Variants in CTNNA3 observed in about 807,000 individuals in gnomAD.
CTNNA3 encodes catenin alpha 3.
A neutral mutation model predicts 95.7 loss-of-function variants in CTNNA3; 76 were observed. That is an observed-to-expected ratio of 0.79 (90% CI 0.66 to 0.96). CTNNA3 has a LOEUF of 0.96. CTNNA3 is among the 40% of genes least tolerant of loss of function. The pLI is 0.00. For missense variants in CTNNA3, 1,191 were observed against 1,089.8 expected (o/e 1.09, Z -1.31); for synonymous variants, 431 against 374.4 (o/e 1.15, Z -1.74).
intron 12 of CTNNA3, among the ~76,000 whole-genome samples, chr10:66,352,725 A>C (rs4237308): frequency 0.91 from 138,042 of 152,082 alleles, 62,894 homozygotes; most frequent in East Asian, 1. Context: ...AAATGAAAAG[A>C]GAGAAGCAAA....
At chr10:66,521,934 G>A (rs1437608077) in intron 10 of CTNNA3, among the ~76,000 whole-genome samples, 1 of 152,130 alleles carries the variant, frequency 6.6e-6, no homozygotes, top group Non-Finnish European at 1.5e-5. Context: ...GTCTGCAGCT[G>A]ATCTGGGCAA....
chr10:66,529,619 T>C (rs570533663), intron 10 of CTNNA3, among the ~76,000 whole-genome samples: 1 of 152,216 alleles, frequency 6.6e-6, no homozygotes, highest in South Asian at 2.1e-4. Flanking sequence ...ACTATATGTG[T>C]AAAAATGGAA....
At chr10:67,253,216 G>A (rs922284672) in intron 5 of CTNNA3, among the ~76,000 whole-genome samples, 8 of 152,186 alleles carry the variant, frequency 5.3e-5, no homozygotes, top group African/African-American at 1.9e-4. Context: ...AGTGACTAAC[G>A]GGCAAGTAGT....
At chr10:67,385,671 T>G (rs564762922) in intron 5 of CTNNA3, among the ~76,000 whole-genome samples, 1 of 152,184 alleles carries the variant, frequency 6.6e-6, no homozygotes, top group East Asian at 1.9e-4. Flanking sequence ...TCTTCCCCAC[T>G]TCATTCTCCT....
chr10:67,663,109 C>T (rs997629782), intron 1 of CTNNA3, among the ~76,000 whole-genome samples: 3 of 152,080 alleles, frequency 2.0e-5, no homozygotes, highest in Admixed American at 6.5e-5. Flanking sequence ...TAAACCCTAC[C>T]TAACTTCTTA....
At chr10:66,691,509 G>A (rs1847536534) in intron 9 of CTNNA3, among the ~76,000 whole-genome samples, 1 of 152,172 alleles carries the variant, frequency 6.6e-6, no homozygotes, top group African/African-American at 2.4e-5. Context: ...GCCTGCCTCT[G>A]TAGGCTCCAC....
chr10:66,691,611 T>C (rs904676217), intron 9 of CTNNA3, among the ~76,000 whole-genome samples: 7 of 152,118 alleles, frequency 4.6e-5, no homozygotes, highest in Non-Finnish European at 1.0e-4. Flanking sequence ...AGAGCAGTGG[T>C]TATCCCAGCA....
intron 11 of CTNNA3, among the ~76,000 whole-genome samples, chr10:66,489,985 G>A (rs1174287960): frequency 6.6e-6 from 1 of 152,184 alleles, no homozygotes; most frequent in African/African-American, 2.4e-5. Context: ...TGTTGGCGAA[G>A]GCATATTATT....
intron 5 of CTNNA3, among the ~76,000 whole-genome samples, chr10:67,461,660 A>G (rs891641468): frequency 1.2e-4 from 19 of 152,218 alleles, no homozygotes; most frequent in African/African-American, 4.1e-4. Context: ...AAATCATAAG[A>G]CATGAAGAAA....
chr10:67,373,296 A>G (rs1446552923), intron 5 of CTNNA3, among the ~76,000 whole-genome samples: 1 of 152,196 alleles, frequency 6.6e-6, no homozygotes, highest in Admixed American at 6.5e-5. Flanking sequence ...AAGCAAATGG[A>G]AAACAAAAAA....
intron 5 of CTNNA3, among the ~76,000 whole-genome samples, chr10:67,438,146 T>C (rs571542652): frequency 6.6e-6 from 1 of 152,174 alleles, no homozygotes; most frequent in Non-Finnish European, 1.5e-5. Context: ...CCAAGTTGTT[T>C]TTCCCACTTA....
intron 11 of CTNNA3, among the ~76,000 whole-genome samples, chr10:66,443,939 G>A (rs140200294): frequency 0.2 from 30,810 of 151,640 alleles, 3,469 homozygotes; most frequent in South Asian, 0.3. Context: ...AAGATTAGAC[G>A]AATGGATAAC....
chr10:66,798,099 T>C (rs1222008718), intron 7 of CTNNA3, among the ~76,000 whole-genome samples: 1 of 151,828 alleles, frequency 6.6e-6, no homozygotes, highest in Non-Finnish European at 1.5e-5. Flanking sequence ...GGTTGGAACT[T>C]TAAAAAATTG....
chr10:66,830,518 A>C (rs1222982253), intron 7 of CTNNA3, among the ~76,000 whole-genome samples: 2 of 152,024 alleles, frequency 1.3e-5, no homozygotes, highest in Non-Finnish European at 2.9e-5. Context: ...CTCTGCTTCT[A>C]CTCGTGCTCC....
chr10:67,047,086 T>A (rs1204595287), intron 7 of CTNNA3, among the ~76,000 whole-genome samples: 1 of 152,122 alleles, frequency 6.6e-6, no homozygotes, highest in Non-Finnish European at 1.5e-5. Context: ...CAGAGATGAG[T>A]TTAGACAGAG....
chr10:66,453,779 A>G (rs951353543), intron 11 of CTNNA3, among the ~76,000 whole-genome samples: 1 of 151,480 alleles, frequency 6.6e-6, no homozygotes, highest in African/African-American at 2.5e-5. Flanking sequence ...TGCCTGATAA[A>G]ACAACAATAT....
chr10:67,602,603 A>G (rs978575000), intron 3 of CTNNA3, among the ~76,000 whole-genome samples: 1 of 152,254 alleles, frequency 6.6e-6, no homozygotes, highest in Non-Finnish European at 1.5e-5. Context: ...GCATAATCCT[A>G]GAATCAAGAC....
In CTNNA3 at chr10:66,511,482, T is replaced by TA. The variant is rs545598599; in HGVS notation, c.1531+9134_1531+9135insT. ...TAGGTTATTTGAAATCTTTTTTTTT[T>TA]TATATAGGTGCTTATTCCTTTAAAC... On this transcript the variant is annotated intron_variant, in intron 11 of 17. Coordinates refer to ENST00000433211, the MANE Select transcript of CTNNA3 (RefSeq NM_013266.4). 4.6e-4 allele frequency among the ~76,000 whole-genome samples: 70 copies of TA among 151,460 alleles called. 2 individuals are homozygous for TA. The highest frequency in any genetic ancestry group is 1.5e-3 in the African/African-American group (61 of 41,388).
intron 5 of CTNNA3, among the ~76,000 whole-genome samples, chr10:67,371,024 G>A (rs1048756257): frequency 5.3e-5 from 8 of 150,858 alleles, no homozygotes; most frequent in East Asian, 3.9e-4. Context: ...CCGCCGCTAC[G>A]CCCGGCTAAT....
Sources: allele counts gnomAD v4.1 joint callset (sites outside exome capture counted in the v4.1 genomes callset), GRCh38; gene constraint gnomAD v4.1.1; transcripts MANE v1.5; gene names NCBI Gene and HGNC (gene_info 2026-07-23, HGNC 2026-07-21).